Variants in CEP76 observed in about 807,000 individuals in gnomAD.
CEP76 encodes centrosomal protein of 76 kDa.
A neutral mutation model predicts 83.3 loss-of-function variants in CEP76; 55 were observed. That is an observed-to-expected ratio of 0.66 (90% CI 0.53 to 0.83). The LOEUF (loss-of-function observed/expected upper bound fraction) is 0.83, where lower values mean the gene tolerates loss of function less well. CEP76 is among the 40% of genes least tolerant of loss of function. The pLI, the probability that CEP76 is intolerant of heterozygous loss-of-function variation, is 0.00. For missense variants in CEP76, 694 were observed against 799.5 expected (o/e 0.87, Z 1.59); for synonymous variants, 270 against 274.5 (o/e 0.98, Z 0.16).
At chr18:12,687,544 A>G (rs1289464949) in intron 7 of CEP76, among the ~76,000 whole-genome samples, 2 of 145,952 alleles carry the variant, frequency 1.4e-5, no homozygotes, top group African/African-American at 2.6e-5. Flanking sequence ...ACCTCCGCCC[A>G]TGGGTTCAAG....
chr18:12,677,378 C>T (rs781173658), intron 10 of CEP76, among the ~76,000 whole-genome samples: 43 of 141,376 alleles, frequency 3.0e-4, no homozygotes, highest in Non-Finnish European at 5.2e-4. Context: ...GTAGAGGTTG[C>T]AGTGAACCAA....
intron 11 of CEP76, 111 bp from the exon 12 acceptor site, chr18:12,673,614 T>A (rs912007348): frequency 5.6e-5 from 45 of 799,920 alleles, no homozygotes; most frequent in Non-Finnish European, 8.4e-5. Context: ...GCGTGGTGGC[T>A]CATGCCTGTA....
intron 6 of CEP76, among the ~76,000 whole-genome samples, chr18:12,694,756 G>C (rs2039889210): frequency 6.6e-6 from 1 of 150,524 alleles, no homozygotes; most frequent in African/African-American, 2.4e-5. Flanking sequence ...CTGTTGCCCA[G>C]GCTGGAGTGC....
intron 5 of CEP76, among the ~76,000 whole-genome samples, chr18:12,695,809 T>C (rs1333395979): frequency 3.3e-5 from 5 of 151,596 alleles, no homozygotes; most frequent in Non-Finnish European, 7.4e-5. Flanking sequence ...CAGACTTACA[T>C]TAAATTCAAA....
chr18:12,666,780 C>T (rs2038813814), intron 12 of CEP76, among the ~76,000 whole-genome samples: 1 of 151,838 alleles, frequency 6.6e-6, no homozygotes, highest in Non-Finnish European at 1.5e-5. Context: ...TTGATTTATT[C>T]TACCACATTT....
At chr18:12,695,887 A>ACACACACAC (rs1568030597) in intron 5 of CEP76, among the ~76,000 whole-genome samples, 15 of 132,724 alleles carry the variant, frequency 1.1e-4, no homozygotes, top group African/African-American at 4.3e-4. Flanking sequence ...CACACACACT[A>ACACACACAC]AAAATTAGAA....
rs1327721853 is a variant in CEP76, at chr18:12,682,009, A to C, written c.1123-1181T>G. 3.3e-5 allele frequency among the ~76,000 whole-genome samples: 5 copies of C among 151,770 alleles called. No homozygotes were observed. The East Asian group carries it at 9.6e-4, about 29-fold the overall frequency. On this transcript the variant is annotated intron_variant, in intron 8 of 11. Transcript: ENST00000262127. ...AGACTCTGTCTCTAAAAAAAAAAAG[A>C]AAAAAAGAAAAGAAAATATCTGATA...
At chr18:12,685,987 C>A in intron 8 of CEP76, 1 of 253,974 alleles carries the variant, frequency 3.9e-6, no homozygotes, top group South Asian at 5.6e-5. Flanking sequence ...TACTTTAAAT[C>A]ACCTCTAAAT....
downstream of CEP76, chr18:12,670,746 C>G (rs1444483605): frequency 6.6e-6 from 1 of 151,288 alleles, no homozygotes; most frequent in East Asian, 2.0e-4. Context: ...CTTTTGGGCT[C>G]AAGTGATTCA....
At chr18:12,695,510 C>T (rs911910956) in intron 5 of CEP76, among the ~76,000 whole-genome samples, 159 bp from the exon 6 acceptor site, 6 of 152,052 alleles carry the variant, frequency 3.9e-5, no homozygotes, top group Non-Finnish European at 8.8e-5. Flanking sequence ...TTAAAATGAA[C>T]CAAATCAATT....
downstream of CEP76, among the ~76,000 whole-genome samples, chr18:12,668,597 CAAAAAAAAAAAA>C (rs752216074): frequency 2.3e-3 from 170 of 72,818 alleles, 1 homozygote; most frequent in South Asian, 9.9e-3. Context: ...GATTCCATCT[CAAAAAAAAAAAA>C]AAAAAAAAAA....
At chr18:12,671,709 C>T (rs1187377548), downstream of CEP76, among the ~76,000 whole-genome samples, 3 of 139,018 alleles carry the variant, frequency 2.2e-5, no homozygotes, top group Non-Finnish European at 4.5e-5. Context: ...AATGCAGTGA[C>T]GCGATCTTAG....
chr18:12,666,989 A>G (rs930805936), intron 12 of CEP76, among the ~76,000 whole-genome samples: 6 of 152,108 alleles, frequency 3.9e-5, no homozygotes, highest in Non-Finnish European at 1.5e-5. Context: ...ATAAATCTCA[A>G]TCTGATTCTG....
At position 12,672,727 on chromosome 18, in the gene CEP76, A is replaced by G. The variant is rs1037144035; in HGVS notation, c.*638T>C. 1.0e-6 allele frequency: 1 copy of G among 971,218 alleles called. No homozygotes were observed. The highest frequency in any genetic ancestry group is 1.8e-5 in the African/African-American group (1 of 56,954). The allele number at this position is 971,218 out of a possible 1,614,324, so 60.2% of individuals were successfully genotyped here. A position where few individuals can be genotyped will look rare whatever the true frequency, so the allele number is the denominator to read the frequency against. ...TTCATTTTTACAACAAATCACAGTG[A>G]TAAATATTTCTAAATGATTCATGTA... On this transcript the variant is annotated 3_prime_UTR_variant, in exon 12 of 12. Transcript: ENST00000262127.
intron 12 of CEP76, among the ~76,000 whole-genome samples, chr18:12,666,887 T>C (rs1272274460): frequency 3.3e-5 from 5 of 152,164 alleles, no homozygotes; most frequent in South Asian, 2.1e-4. Flanking sequence ...AATCCAAACA[T>C]CAGTTTTATT....
intron 5 of CEP76, among the ~76,000 whole-genome samples, chr18:12,696,154 A>T (rs1364297134): frequency 6.6e-6 from 1 of 152,184 alleles, no homozygotes; most frequent in African/African-American, 2.4e-5. Context: ...TACATAAAGG[A>T]CACTTTTTCT....
chr18:12,700,869 G>T, intron 2 of CEP76, 89 bp downstream of exon 2: 2 of 1,071,862 alleles, frequency 1.9e-6, no homozygotes, highest in Non-Finnish European at 2.7e-6. Context: ...TTACTAAAAC[G>T]AAAGGCCCCA....
At chr18:12,679,084 A>C (rs759173220) in intron 9 of CEP76, 1 of 152,240 alleles carries the variant, frequency 6.6e-6, no homozygotes, top group Non-Finnish European at 1.5e-5. Flanking sequence ...GAATGAAAAG[A>C]GGGCCCAGGG....
At chr18:12,688,692 G>C (rs538462426) in intron 7 of CEP76, among the ~76,000 whole-genome samples, 156 of 152,202 alleles carry the variant, frequency 1.0e-3, no homozygotes, top group African/African-American at 3.6e-3. Flanking sequence ...ACCATTATGA[G>C]CTATTTAAAT....
Sources: gnomAD v4.1 joint callset for allele counts (sites outside exome capture counted in the v4.1 genomes callset) on GRCh38, gnomAD v4.1.1 for gene constraint, MANE v1.5 for transcripts, NCBI Gene and HGNC (gene_info 2026-07-23, HGNC 2026-07-21) for gene names.